The following LRRFIP2 variants were observed in gnomAD, a reference collection of about 807,000 sequenced individuals.
The protein encoded by LRRFIP2 is LRR binding FLII interacting protein 2.
Under a neutral mutation model 125.9 loss-of-function variants are expected in LRRFIP2, and 109 were observed. That is an observed-to-expected ratio of 0.87 (90% CI 0.74 to 1.01). LRRFIP2 has a LOEUF of 1.01. Ranked by LOEUF, LRRFIP2 falls within the 50% of genes least tolerant of loss-of-function variation. The pLI is 0.00. For synonymous variants in LRRFIP2, 291 were observed against 293.1 expected, an observed-to-expected ratio of 0.99 and a Z score of 0.07; for missense variants, 850 against 862.3, an observed-to-expected ratio of 0.99 and a Z score of 0.18.
chr3:37,148,453 C>T (rs916065744), intron 2 of LRRFIP2, among the ~76,000 whole-genome samples: 10 of 152,310 alleles, frequency 6.6e-5, no homozygotes, highest in East Asian at 1.9e-4. Flanking sequence ...GCTGCGGAAA[C>T]GAACTGCTAT....
At chr3:37,127,485 A>C (rs2095313657) in intron 4 of LRRFIP2, 145 bp downstream of exon 4, 3 of 777,128 alleles carry the variant, frequency 3.9e-6, no homozygotes, top group South Asian at 3.0e-5. Flanking sequence ...CCTCTGGTCC[A>C]CTATAGACAG....
intron 1 of LRRFIP2, among the ~76,000 whole-genome samples, chr3:37,161,179 T>TAAAAAAAAA (rs60688555): frequency 7.9e-5 from 7 of 88,102 alleles, no homozygotes; most frequent in African/African-American, 8.7e-5. Flanking sequence ...CCCCATCTAC[T>TAAAAAAAAA]AAAAAAAAAA....
chr3:37,108,189 A>G, intron 12 of LRRFIP2, 60 bp from the exon 13 acceptor site: 1 of 1,307,554 alleles, frequency 7.6e-7, no homozygotes, highest in Non-Finnish European at 1.1e-6. Flanking sequence ...TTCTAATGAG[A>G]ATACATTAGG....
At chr3:37,075,584 C>T (rs1425759238) in intron 19 of LRRFIP2, among the ~76,000 whole-genome samples, 1 of 151,954 alleles carries the variant, frequency 6.6e-6, no homozygotes, top group East Asian at 1.9e-4. Context: ...AAAGGCATAC[C>T]GTCTTCTTGG....
intron 7 of LRRFIP2, among the ~76,000 whole-genome samples, chr3:37,113,787 A>C (rs1213762443): frequency 6.6e-6 from 1 of 152,216 alleles, no homozygotes; most frequent in East Asian, 1.9e-4. Flanking sequence ...GGAGGAAAAC[A>C]ACCAACATGG....
At chr3:37,059,059 A>C in intron 24 of LRRFIP2, 149 bp from the exon 25 acceptor site, 1 of 910,618 alleles carries the variant, frequency 1.1e-6, no homozygotes, top group Non-Finnish European at 1.6e-6. Context: ...CTAATAGGAG[A>C]CACACATCGT....
intron 3 of LRRFIP2, 129 bp downstream of exon 3, chr3:37,128,934 T>G (rs941513162): frequency 1.2e-6 from 1 of 824,950 alleles, no homozygotes; most frequent in Non-Finnish European, 2.0e-6. Flanking sequence ...AATGGCTTGA[T>G]AAAATACATA....
At chr3:37,126,859 CAA>C (rs1553769307) in intron 4 of LRRFIP2, among the ~76,000 whole-genome samples, 1 of 135,888 alleles carries the variant, frequency 7.4e-6, no homozygotes. Flanking sequence ...AACTCCATCT[CAA>C]AAAAAAAAAA....
At position 37,116,898 on chromosome 3, in the gene LRRFIP2, C is replaced by T. The variant is rs1014513218; in HGVS notation, c.331-1803G>A. ...ATTTTATTGGAGCAAAATATCTGTA[C>T]CGCATGCTTTTCTTATATTATCCTG... On this transcript the variant is annotated intron_variant, in intron 6 of 27. Transcript: ENST00000336686. 3.9e-5 allele frequency among the ~76,000 whole-genome samples: 6 copies of T among 152,100 alleles called. No homozygotes were observed. The East Asian group carries it at 1.2e-3, about 29-fold the overall frequency.
chr3:37,150,463 G>A (rs950157932), intron 1 of LRRFIP2, among the ~76,000 whole-genome samples: 1 of 151,662 alleles, frequency 6.6e-6, no homozygotes, highest in Admixed American at 6.6e-5. Context: ...ACTCCTTCTC[G>A]AAATATAAAA....
In LRRFIP2 at chr3:37,053,380, A is replaced by T. The variant is rs2085974041; in HGVS notation, c.*471T>A. ...GAACTTGTTTCTTCACTAAAATATA[A>T]ATGTTGTCTGATATTAAGGGTAAAT... On this transcript the variant is annotated 3_prime_UTR_variant, in exon 28 of 28. Transcript: ENST00000336686. 1 of 152,924 alleles carries T rather than the reference A, an allele frequency of 6.5e-6. No homozygotes were observed. The highest frequency in any genetic ancestry group is 1.5e-5 in the Non-Finnish European group (1 of 68,294). The allele number at this position is 152,924 out of a possible 1,614,324, so 9.5% of individuals were successfully genotyped here.
At chr3:37,061,604 G>C (rs1049369787) in intron 24 of LRRFIP2, among the ~76,000 whole-genome samples, 2 of 151,752 alleles carry the variant, frequency 1.3e-5, no homozygotes, top group African/African-American at 4.8e-5. Context: ...TGTTGGCCAG[G>C]CTGGTCTCAA....
intron 18 of LRRFIP2, among the ~76,000 whole-genome samples, chr3:37,085,526 C>A (rs534915805): frequency 6.7e-6 from 1 of 150,124 alleles, no homozygotes; most frequent in East Asian, 2.0e-4. Flanking sequence ...GTCTCAAAAA[C>A]AAACAAACAA....
intron 23 of LRRFIP2, chr3:37,065,031 T>C (rs1163895760): frequency 6.5e-6 from 1 of 152,836 alleles, no homozygotes; most frequent in Admixed American, 6.5e-5. Context: ...TGTTTTTCAG[T>C]TTGCTTCACA....
chr3:37,065,737 G>A (rs1481687653), intron 23 of LRRFIP2, 73 bp downstream of exon 23: 1 of 1,597,660 alleles, frequency 6.3e-7, no homozygotes, highest in East Asian at 2.2e-5. Context: ...TGTTTTCCAA[G>A]CTGGGATATG....
At chr3:37,059,863 G>A (rs923000717) in intron 24 of LRRFIP2, among the ~76,000 whole-genome samples, 4 of 152,098 alleles carry the variant, frequency 2.6e-5, no homozygotes, top group Admixed American at 1.3e-4. Context: ...TCCACCAACA[G>A]GGGTCAAAGG....
At chr3:37,133,684 A>T (rs1474304260) in intron 2 of LRRFIP2, among the ~76,000 whole-genome samples, 1 of 152,228 alleles carries the variant, frequency 6.6e-6, no homozygotes, top group African/African-American at 2.4e-5. Context: ...ACAGAGTTCC[A>T]GTACTGGATG....
intron 19 of LRRFIP2, among the ~76,000 whole-genome samples, chr3:37,076,332 C>A (rs569840484): frequency 1.3e-5 from 2 of 151,686 alleles, no homozygotes; most frequent in African/African-American, 4.8e-5. Context: ...AAGACCCTGC[C>A]TGGGCAACAT....
At position 37,053,631 on chromosome 3, in the gene LRRFIP2, G is replaced by T; in HGVS notation, c.*220C>A. ...CGGAGATAAAAAATAAAAACAGCAT[G>T]GACTGGTTCTACCCTAGAATCAAAC... On this transcript the variant is annotated 3_prime_UTR_variant, in exon 28 of 28. Coordinates refer to ENST00000336686, the MANE Select transcript of LRRFIP2 (RefSeq NM_006309.4). The T allele has an allele frequency of 1.9e-6, 1 of 521,060 alleles. No homozygotes were observed. The highest frequency in any genetic ancestry group is 3.4e-6 in the Non-Finnish European group (1 of 291,564). The allele number at this position is 521,060 out of a possible 1,614,324, so 32.3% of individuals were successfully genotyped here. A position where few individuals can be genotyped will look rare whatever the true frequency, so the allele number is the denominator to read the frequency against.
Sources: allele counts gnomAD v4.1 joint callset (sites outside exome capture counted in the v4.1 genomes callset), GRCh38; gene constraint gnomAD v4.1.1; transcripts MANE v1.5; gene names NCBI Gene and HGNC (gene_info 2026-07-23, HGNC 2026-07-21).